KCTD1: variants seen among roughly 807,000 people sequenced by gnomAD.
The protein encoded by KCTD1 is potassium channel tetramerization domain containing 1.
Under a neutral mutation model 66.0 loss-of-function variants are expected in KCTD1, and 24 were observed. That is an observed-to-expected ratio of 0.36 (90% CI 0.26 to 0.51). The LOEUF (loss-of-function observed/expected upper bound fraction) is 0.51. Among genes scored for constraint, KCTD1 ranks in the 20% least tolerant of loss-of-function variants. The pLI, the probability that KCTD1 is intolerant of heterozygous loss-of-function variation, is 0.95. For missense variants in KCTD1, 943 were observed against 1,205.2 expected, an observed-to-expected ratio of 0.78 and a Z score of 3.22; for synonymous variants, 511 against 517.2, an observed-to-expected ratio of 0.99 and a Z score of 0.16.
At chr18:26,557,931 G>C (rs1486335917) in intron 1 of KCTD1, among the ~76,000 whole-genome samples, 1 of 152,142 alleles carries the variant, frequency 6.6e-6, no homozygotes, top group African/African-American at 2.4e-5. Context: ...TCTTACTTTA[G>C]TTTCAAGTCC....
At chr18:26,561,640 A>G (rs1385644391) in intron 1 of KCTD1, among the ~76,000 whole-genome samples, 5 of 152,218 alleles carry the variant, frequency 3.3e-5, no homozygotes, top group African/African-American at 1.2e-4. Flanking sequence ...ACTTGCTCAC[A>G]GCCACTGATG....
At chr18:26,600,570 TG>T (rs1986871014) in intron 1 of KCTD1, among the ~76,000 whole-genome samples, 1 of 152,122 alleles carries the variant, frequency 6.6e-6, no homozygotes, top group Non-Finnish European at 1.5e-5. Context: ...CAGCACGGGA[TG>T]GGTTTCTTCA....
At chr18:26,504,194 C>G (rs1982913800) in intron 1 of KCTD1, among the ~76,000 whole-genome samples, 1 of 152,102 alleles carries the variant, frequency 6.6e-6, no homozygotes, top group Non-Finnish European at 1.5e-5. Flanking sequence ...CTCAGCTTCC[C>G]AAGTAACTGG....
At chr18:26,560,969 G>T (rs989137676) in intron 1 of KCTD1, among the ~76,000 whole-genome samples, 1 of 152,178 alleles carries the variant, frequency 6.6e-6, no homozygotes, top group South Asian at 2.1e-4. Flanking sequence ...TTGAAGCATT[G>T]TTTATAATAA....
intron 1 of KCTD1, among the ~76,000 whole-genome samples, chr18:26,638,373 A>G (rs1014324451): frequency 1.3e-5 from 2 of 152,186 alleles, no homozygotes; most frequent in African/African-American, 4.8e-5. Context: ...TACAACTGCA[A>G]AACTATTCCA....
intron 1 of KCTD1, chr18:26,544,381 C>G (rs1004205112): frequency 1.3e-5 from 2 of 152,182 alleles, no homozygotes; most frequent in African/African-American, 4.8e-5. Flanking sequence ...TTTAAAGAAG[C>G]AGGCTCTTCA....
intron 1 of KCTD1, among the ~76,000 whole-genome samples, chr18:26,507,147 C>T (rs1983084341): frequency 6.6e-6 from 1 of 152,138 alleles, no homozygotes; most frequent in Non-Finnish European, 1.5e-5. Flanking sequence ...GCCTGGGTAA[C>T]AGAGCAAAAC....
rs762930279 is a variant in KCTD1, at chr18:26,455,693, T to TGAG, written c.*47_*49dup. The TGAG allele has an allele frequency of 6.2e-7, 1 of 1,609,114 alleles. No homozygotes were observed. The highest frequency in any genetic ancestry group is 2.2e-5 in the East Asian group (1 of 44,868). On this transcript the variant is annotated 3_prime_UTR_variant, in exon 5 of 5. Transcript: ENST00000580059. ...TGCACATAAATGTCCCTTTTTTGTT[T>TGAG]GAGTTATTGGTTGTGTGTGTTTTCC...
intron 1 of KCTD1, among the ~76,000 whole-genome samples, chr18:26,507,045 A>G (rs187192155): frequency 3.9e-5 from 6 of 152,272 alleles, no homozygotes; most frequent in Admixed American, 3.9e-4. Flanking sequence ...AGGTGCCTGT[A>G]ATCCCAGCTA....
chr18:26,650,162 T>C (rs949300392), intron 1 of KCTD1, among the ~76,000 whole-genome samples: 1 of 152,240 alleles, frequency 6.6e-6, no homozygotes, highest in African/African-American at 2.4e-5. Flanking sequence ...AAATTTGATC[T>C]GTTCCCAAAT....
chr18:26,648,530 T>G (rs1987971288), intron 1 of KCTD1, among the ~76,000 whole-genome samples: 1 of 152,236 alleles, frequency 6.6e-6, no homozygotes, highest in Non-Finnish European at 1.5e-5. Context: ...TCTTTGGAAT[T>G]ACTTTATTGT....
chr18:26,574,927 A>G (rs998935308), intron 1 of KCTD1, among the ~76,000 whole-genome samples: 1 of 151,590 alleles, frequency 6.6e-6, no homozygotes, highest in Non-Finnish European at 1.5e-5. Context: ...TTTGCTGTGG[A>G]AAAAAAAATA....
At chr18:26,506,542 G>C (rs76823332) in intron 1 of KCTD1, among the ~76,000 whole-genome samples, 2 of 152,152 alleles carry the variant, frequency 1.3e-5, no homozygotes, top group African/African-American at 4.8e-5. Flanking sequence ...ATATAGCGTC[G>C]CAACCACTTA....
intron 1 of KCTD1, among the ~76,000 whole-genome samples, chr18:26,605,783 G>A (rs952029734): frequency 7.2e-6 from 1 of 139,218 alleles, no homozygotes; most frequent in African/African-American, 2.7e-5. Flanking sequence ...TTACATCTTA[G>A]TAACTGTGGT....
upstream of KCTD1, among the ~76,000 whole-genome samples, chr18:26,643,833 G>A (rs1284816825): frequency 1.3e-5 from 2 of 152,138 alleles, no homozygotes; most frequent in African/African-American, 2.4e-5. Flanking sequence ...TTGGTGGCGG[G>A]TGCCTGTAGT....
chr18:26,586,828 G>T (rs975533540), intron 1 of KCTD1, among the ~76,000 whole-genome samples: 5 of 152,188 alleles, frequency 3.3e-5, no homozygotes, highest in African/African-American at 1.2e-4. Context: ...TTCTATGAAG[G>T]CTGAGAGGGG....
At chr18:26,493,168 T>C (rs1167742172) in intron 2 of KCTD1, among the ~76,000 whole-genome samples, 1 of 152,146 alleles carries the variant, frequency 6.6e-6, no homozygotes, top group African/African-American at 2.4e-5. Context: ...GGAAGTTGAG[T>C]GTATGACCCG....
intron 2 of KCTD1, among the ~76,000 whole-genome samples, chr18:26,499,759 G>A (rs976690340): frequency 6.6e-6 from 1 of 152,148 alleles, no homozygotes; most frequent in Admixed American, 6.6e-5. Flanking sequence ...GAAAAATGTG[G>A]CCGGTGCCCT....
Position 26,547,725 on chromosome 18 carries a change from T to C in KCTD1, c.812A>G (p.Glu271Gly). The C allele has an allele frequency of 6.5e-7, 1 of 1,547,908 alleles. No individual in the cohort carries two copies. Among genetic ancestry groups the C allele is most frequent in the Non-Finnish European group, 8.7e-7 (1 of 1,146,754 alleles). The change falls in exon 1 of 5, where the codon GAG becomes GGG. Residue 271 changes from glutamate to glycine, a missense_variant. Glu to Gly is a moderately conservative substitution (Grantham distance 98). Around this residue, in one of 10 missense-constraint regions of KCTD1, gnomAD observed 61 missense variants for 109.6 expected, o/e 0.56. Coordinates refer to ENST00000580059, the MANE Select transcript of KCTD1 (RefSeq NM_001142730.3). ...CACCACCGGCCCGGCGCCCTGCTCC[T>C]CGAGCTTGCGGATGACCGCGGCCAG... ...LTLAAVIRKL[E>G]EQGAGPVVQK... is the part of the protein sequence containing the mutation.
Sources: gnomAD v4.1 joint callset for allele counts (sites outside exome capture counted in the v4.1 genomes callset) on GRCh38, gnomAD v4.1.1 for gene constraint, gnomAD v4.1.1 regional missense constraint, MANE v1.5 for transcripts, NCBI Gene and HGNC (gene_info 2026-07-23, HGNC 2026-07-21) for gene names.